The following ZNF439 variants were observed in gnomAD, a reference collection of about 807,000 sequenced individuals.
ZNF439 encodes zinc finger protein 439.
ZNF439 carries 40 observed loss-of-function variants against 47.3 expected under a neutral mutation model. That is an observed-to-expected ratio of 0.85 (90% CI 0.66 to 1.10). The LOEUF is 1.10. Ranked by LOEUF, ZNF439 falls within the 50% of genes least tolerant of loss-of-function variation. The pLI is 0.00. For synonymous variants in ZNF439, 171 were observed against 198.8 expected (o/e 0.86, Z 1.18); for missense variants, 556 against 601.1 (o/e 0.93, Z 0.78).
At chr19:11,862,040 G>A (rs749676186) in intron 1 of ZNF439, among the ~76,000 whole-genome samples, 4 of 151,940 alleles carry the variant, frequency 2.6e-5, no homozygotes, top group South Asian at 4.2e-4. Flanking sequence ...TGAAGGTCTC[G>A]CAATAACTTT....
At chr19:11,864,972 G>C (rs942484485) in intron 1 of ZNF439, among the ~76,000 whole-genome samples, 1 of 151,946 alleles carries the variant, frequency 6.6e-6, no homozygotes, top group Non-Finnish European at 1.5e-5. Flanking sequence ...TAGAGACAAG[G>C]TTTCTCTATG....
At chr19:11,849,332 C>T (rs1272992240) in intron 1 of ZNF439, 4 of 984,698 alleles carry the variant, frequency 4.1e-6, no homozygotes, top group East Asian at 1.1e-4. Context: ...ACAAAAAGTT[C>T]ATTTGAGGAA....
chr19:11,851,493 G>A (rs980189530), intron 1 of ZNF439, among the ~76,000 whole-genome samples: 5 of 152,146 alleles, frequency 3.3e-5, no homozygotes, highest in African/African-American at 1.2e-4. Context: ...ATGACTATGG[G>A]TTGTGACTGG....
In ZNF439 at chr19:11,867,716, G is replaced by C; in HGVS notation, c.662G>C (p.Cys221Ser). 1 of 1,614,098 alleles carries C rather than the reference G, an allele frequency of 6.2e-7. No homozygotes were observed. The highest frequency in any genetic ancestry group is 8.5e-7 in the Non-Finnish European group (1 of 1,180,016). The change falls in exon 4 of 4, where the codon TGT becomes TCT. Residue 221 changes from cysteine to serine, a missense_variant. Coordinates refer to ENST00000682736, the MANE Select transcript of ZNF439 (RefSeq NM_001348719.2). ...VVHSGDGPYK[C>S]KFCGKAFHCL... ...CACAGTGGGGATGGACCTTATAAAT[G>C]TAAGTTTTGTGGGAAAGCATTCCAT...
intron 2 of ZNF439, 52 bp downstream of exon 2, chr19:11,866,383 A>G: frequency 6.2e-7 from 1 of 1,612,192 alleles, no homozygotes; most frequent in Admixed American, 1.7e-5. Context: ...CAATGTTTCT[A>G]GCTCACCAAT....
chr19:11,858,461 A>G (rs945535089), intron 1 of ZNF439, among the ~76,000 whole-genome samples: 14 of 125,360 alleles, frequency 1.1e-4, no homozygotes, highest in Non-Finnish European at 1.7e-4. Context: ...GCGAGACTCC[A>G]TCTCGGAAAA....
rs1976759818 is a variant in ZNF439, at chr19:11,868,183, CA to C, written c.1130del (p.His377LeufsTer174). The part of the protein sequence containing the change: ...GFYSAKSFQR[H>X]EKTHSGEKPY... ...TTATTCTGCCAAGTCATTTCAAAGA[CA>C]TGAAAAAACTCACAGTGGAGAGAAA... On this transcript the variant is annotated frameshift_variant, in exon 4 of 4. Coordinates refer to ENST00000682736, the MANE Select transcript of ZNF439 (RefSeq NM_001348719.2). LOFTEE classifies it high-confidence loss of function. 1 of 1,613,798 alleles carries C rather than the reference CA, an allele frequency of 6.2e-7. No individual in the cohort carries two copies. Among genetic ancestry groups the C allele is most frequent in the African/African-American group, 1.3e-5 (1 of 74,844 alleles).
Position 11,867,621 on chromosome 19 carries a change from AC to A in ZNF439, c.570del (p.Tyr191MetfsTer21). ...TQERDHTGKK[P>X]YACKECGKNI... ...AAGAAAGGGATCACACTGGAAAGAA[AC>A]CCTATGCTTGTAAAGAATGTGGAAA... On this transcript the variant is annotated frameshift_variant, in exon 4 of 4. Transcript: ENST00000682736. LOFTEE classifies it high-confidence loss of function. The A allele has an allele frequency of 6.2e-7, 1 of 1,614,092 alleles. No homozygotes were observed. The highest frequency in any genetic ancestry group is 8.5e-7 in the Non-Finnish European group (1 of 1,180,000).
intron 2 of ZNF439, 33 bp from the exon 3 acceptor site, chr19:11,866,504 C>A (rs750804568): frequency 7.0e-5 from 112 of 1,609,486 alleles, no homozygotes; most frequent in Non-Finnish European, 9.3e-5. Flanking sequence ...TTTTATACTG[C>A]CTCAGGATTA....
rs1409287303 is a variant in ZNF439, at chr19:11,865,735, A to AC, written c.64-470_64-469insC. On this transcript the variant is annotated intron_variant, in intron 1 of 3. Coordinates refer to ENST00000682736, the MANE Select transcript of ZNF439 (RefSeq NM_001348719.2). ...CACAAAAAAAAAAAAAAAAAAAAAAAAAAAATTGCTGTCTGGGTGTGGTGG... is the reference window on the plus strand; with the variant it reads ...CACAAAAAAAAAAAAAAAAAAAAAAACAAAAATTGCTGTCTGGGTGTGGTGG... 1.8e-3 allele frequency among the ~76,000 whole-genome samples: 237 copies of AC among 133,902 alleles called. 3 individuals carry two copies. The highest frequency in any genetic ancestry group is 5.9e-3 in the African/African-American group (232 of 39,650). 87.8% of individuals were successfully genotyped at this position (133,902 alleles called of 152,430 possible).
rs764082309 is a variant in ZNF439, at chr19:11,868,393, G to C, written c.1339G>C (p.Glu447Gln). Residue 447 changes from glutamate to glutamine, a missense_variant, in exon 4 of 4, where the codon GAA becomes CAA. Glu to Gln is a conservative substitution (Grantham distance 29). Transcript: ENST00000682736. The part of the protein sequence containing the change: ...HTGEKPYQCK[E>Q]CGKAFRSASQ... Reference sequence around the variant, plus strand: ...TGGAGAGAAACCGTATCAATGTAAGGAATGTGGGAAAGCTTTCAGATCTGC... The same window carrying C: ...TGGAGAGAAACCGTATCAATGTAAGCAATGTGGGAAAGCTTTCAGATCTGC... 6.2e-7 allele frequency: 1 copy of C among 1,611,924 alleles called. No homozygotes were observed. The highest frequency in any genetic ancestry group is 8.5e-7 in the Non-Finnish European group (1 of 1,179,400).
At chr19:11,860,698 C>T (rs1047742126) in intron 1 of ZNF439, among the ~76,000 whole-genome samples, 4 of 151,886 alleles carry the variant, frequency 2.6e-5, no homozygotes, top group Admixed American at 6.6e-5. Flanking sequence ...TAGTGCCCTT[C>T]GTATTTATTG....
chr19:11,863,794 T>C (rs574087742), intron 1 of ZNF439, among the ~76,000 whole-genome samples: 1 of 152,064 alleles, frequency 6.6e-6, no homozygotes, highest in Non-Finnish European at 1.5e-5. Context: ...CATCAGGAGG[T>C]AGTTTTGTAA....
rs779065396 is a variant in ZNF439 at position 11,868,093 on chromosome 19, C to T, written c.1039C>T (p.Gln347Ter). 38 of 1,614,084 alleles carry T rather than the reference C, an allele frequency of 2.4e-5. No homozygotes were observed. Among genetic ancestry groups the T allele is most frequent in the Non-Finnish European group, 3.2e-5 (38 of 1,180,050 alleles). ...AGCATTATCCTCTCTTACAAGTTTT[C>T]AAACACACATAAGAATGCACTCTGG... ...GKALSSLTSF[Q>*]THIRMHSGER... The change falls in exon 4 of 4, where the codon CAA becomes TAA. Residue 347 changes from glutamine to a stop codon, truncating the protein, a stop_gained. Transcript: ENST00000682736. LOFTEE classifies it high-confidence loss of function.
intron 1 of ZNF439, among the ~76,000 whole-genome samples, chr19:11,865,243 G>T (rs774276731): frequency 1.8e-4 from 27 of 151,868 alleles, no homozygotes; most frequent in Non-Finnish European, 3.2e-4. Flanking sequence ...ATTACACCTG[G>T]GTATCTCTTA....
chr19:11,866,098 T>A (rs1364134478), intron 1 of ZNF439, 107 bp from the exon 2 acceptor site: 1 of 1,561,816 alleles, frequency 6.4e-7, no homozygotes, highest in Non-Finnish European at 8.6e-7. Context: ...AAGCAGGGAA[T>A]AAATGTTTGG....
At chr19:11,860,429 T>C (rs1976507440) in intron 1 of ZNF439, among the ~76,000 whole-genome samples, 1 of 151,890 alleles carries the variant, frequency 6.6e-6, no homozygotes, top group Non-Finnish European at 1.5e-5. Context: ...TCAGTATCTC[T>C]TTAGGGCACT....
chr19:11,859,682 G>GA (rs1976488585), intron 1 of ZNF439, among the ~76,000 whole-genome samples: 1 of 152,106 alleles, frequency 6.6e-6, no homozygotes, highest in Admixed American at 6.5e-5. Context: ...ATGGAAATAG[G>GA]AAAAACGCAA....
intron 2 of ZNF439, 86 bp downstream of exon 2, chr19:11,866,417 G>T (rs1260071034): frequency 1.2e-6 from 2 of 1,605,706 alleles, no homozygotes; most frequent in Non-Finnish European, 1.7e-6. Context: ...TTGGAACACA[G>T]ACAGGAAATA....
Sources: allele counts gnomAD v4.1 joint callset (sites outside exome capture counted in the v4.1 genomes callset), GRCh38; gene constraint gnomAD v4.1.1; transcripts MANE v1.5; gene names NCBI Gene and HGNC (gene_info 2026-07-23, HGNC 2026-07-21).